Variants in TMEM132C observed in about 807,000 individuals in gnomAD.
The protein encoded by TMEM132C is transmembrane protein 132C, also known as protein phosphatase 1, regulatory subunit 152.
A neutral mutation model predicts 61.4 loss-of-function variants in TMEM132C; 29 were observed. The observed-to-expected ratio is 0.47, with a 90% CI of 0.35 to 0.64. The LOEUF (loss-of-function observed/expected upper bound fraction) is 0.64. Among genes scored for constraint, TMEM132C ranks in the 30% least tolerant of loss-of-function variants. The pLI, the probability that TMEM132C is intolerant of heterozygous loss-of-function variation, is 0.00. For synonymous variants in TMEM132C, 656 were observed against 633.1 expected (o/e 1.04, Z -0.54); for missense variants, 1,408 against 1,476.9 (o/e 0.95, Z 0.76).
intron 4 of TMEM132C, among the ~76,000 whole-genome samples, chr12:128,622,360 A>AAAAAAAAATATATAT (rs1277080166): frequency 2.0e-4 from 6 of 30,120 alleles, no homozygotes; most frequent in African/African-American, 3.3e-4. Flanking sequence ...AAAAAAAAAA[A>AAAAAAAAATATATAT]ATATATATAT....
chr12:128,340,942 C>CTT (rs1555218759), intron 1 of TMEM132C, among the ~76,000 whole-genome samples: 31 of 92,352 alleles, frequency 3.4e-4, no homozygotes, highest in East Asian at 2.6e-3. Flanking sequence ...CTCTCTCTCT[C>CTT]TCTTTCTTTC....
chr12:128,290,168 G>A (rs927394863), intron 1 of TMEM132C, among the ~76,000 whole-genome samples: 3 of 152,140 alleles, frequency 2.0e-5, no homozygotes, highest in Non-Finnish European at 4.4e-5. Flanking sequence ...CACTGTATGA[G>A]TCCATTCTCA....
At chr12:128,337,124 G>T (rs1303456254) in intron 1 of TMEM132C, among the ~76,000 whole-genome samples, 1 of 152,168 alleles carries the variant, frequency 6.6e-6, no homozygotes, top group Admixed American at 6.5e-5. Flanking sequence ...AGAACTGGAA[G>T]AGATGGTGTG....
intron 2 of TMEM132C, among the ~76,000 whole-genome samples, chr12:128,539,593 G>A (rs1873663681): frequency 6.6e-6 from 1 of 152,162 alleles, no homozygotes; most frequent in African/African-American, 2.4e-5. Context: ...ACTCCAGCCT[G>A]GGTGACAGAG....
At chr12:128,459,971 G>C (rs922985485) in intron 2 of TMEM132C, among the ~76,000 whole-genome samples, 1 of 151,652 alleles carries the variant, frequency 6.6e-6, no homozygotes, top group Non-Finnish European at 1.5e-5. Flanking sequence ...TATCCAGCAA[G>C]TGTTGAAATA....
At chr12:128,440,115 A>T (rs1869733276) in intron 2 of TMEM132C, among the ~76,000 whole-genome samples, 1 of 152,176 alleles carries the variant, frequency 6.6e-6, no homozygotes, top group South Asian at 2.1e-4. Context: ...ATTTGAAAGA[A>T]TTTGCTCAGT....
intron 3 of TMEM132C, among the ~76,000 whole-genome samples, chr12:128,549,440 A>G (rs1281298417): frequency 6.6e-6 from 1 of 152,084 alleles, no homozygotes; most frequent in Non-Finnish European, 1.5e-5. Context: ...CTTGGCTCGG[A>G]AAATATCCCC....
Position 128,706,406 on chromosome 12 carries a change from A to G in TMEM132C, c.*111A>G. 2.2e-6 allele frequency: 3 copies of G among 1,334,006 alleles called. No homozygotes were observed. The highest frequency in any genetic ancestry group is 2.9e-6 in the Non-Finnish European group (3 of 1,023,634). 82.6% of individuals were successfully genotyped at this position (1,334,006 alleles called of 1,614,324 possible). On this transcript the variant is annotated 3_prime_UTR_variant, in exon 9 of 9. Coordinates refer to ENST00000435159, the MANE Select transcript of TMEM132C (RefSeq NM_001136103.3). ...TTAAGAAGGGACGGTCCCAGGGTCC[A>G]TGCTAGACCAGTTGGAAAGTTTTGA...
intron 2 of TMEM132C, among the ~76,000 whole-genome samples, chr12:128,513,226 A>G (rs1033983749): frequency 6.6e-6 from 1 of 152,112 alleles, no homozygotes; most frequent in African/African-American, 2.4e-5. Context: ...CTTCGGGCAC[A>G]TCAAGCAGAA....
intron 2 of TMEM132C, among the ~76,000 whole-genome samples, chr12:128,509,073 T>C (rs1167934393): frequency 6.6e-6 from 1 of 152,082 alleles, no homozygotes; most frequent in Non-Finnish European, 1.5e-5. Flanking sequence ...CAGAAGGATG[T>C]TGGGCAAGGA....
intron 3 of TMEM132C, among the ~76,000 whole-genome samples, chr12:128,589,412 C>T (rs1233611359): frequency 6.6e-6 from 1 of 152,062 alleles, no homozygotes; most frequent in Non-Finnish European, 1.5e-5. Flanking sequence ...CGCCTGCCTC[C>T]CTCCCAACCC....
intron 4 of TMEM132C, among the ~76,000 whole-genome samples, chr12:128,639,923 A>G (rs1286300470): frequency 6.6e-6 from 1 of 152,236 alleles, no homozygotes; most frequent in Non-Finnish European, 1.5e-5. Context: ...GTTCTTTGTC[A>G]GAATCTTAAG....
Position 128,694,007 on chromosome 12 carries a change from G to A in TMEM132C, c.1628G>A (p.Trp543Ter). ...SDTELSQIKG[W>*]RVPIVTNKRP... ...ACGGAGCTCAGCCAGATAAAGGGCT[G>A]GAGGGTCCCCATTGTGACCAATAAG... Residue 543 changes from tryptophan (W) to a stop codon, truncating the protein, a stop_gained, in exon 6 of 9, where the codon TGG (tryptophan) becomes TAG (stop). Coordinates refer to ENST00000435159, the MANE Select transcript of TMEM132C (RefSeq NM_001136103.3). LOFTEE classifies it high-confidence loss of function. The A allele has an allele frequency of 6.4e-7, 1 of 1,551,738 alleles. No homozygotes were observed. Among genetic ancestry groups the A allele is most frequent in the Non-Finnish European group, 8.7e-7 (1 of 1,147,012 alleles).
intron 1 of TMEM132C, among the ~76,000 whole-genome samples, chr12:128,271,849 A>C (rs1870532890): frequency 6.6e-6 from 1 of 152,264 alleles, no homozygotes. Context: ...GCAGAGGTTA[A>C]AACAAAGCCT....
At chr12:128,595,932 G>T (rs1205781458) in intron 3 of TMEM132C, among the ~76,000 whole-genome samples, 2 of 152,168 alleles carry the variant, frequency 1.3e-5, no homozygotes, top group African/African-American at 4.8e-5. Context: ...GGAAAAAACT[G>T]CCATGCCCAC....
At chr12:128,621,631 C>T (rs1006886589) in intron 4 of TMEM132C, among the ~76,000 whole-genome samples, 1 of 152,214 alleles carries the variant, frequency 6.6e-6, no homozygotes, top group Non-Finnish European at 1.5e-5. Context: ...TTTCATCCTC[C>T]ATCCGTGGTA....
Position 128,308,997 on chromosome 12 carries a change from T to A in TMEM132C, c.85+41510T>A, listed in dbSNP as rs1225220560. On this transcript the variant is annotated intron_variant, in intron 1 of 8. Transcript: ENST00000435159. Reference sequence around the variant, plus strand: ...CATTGCTCTGCTGGGATGAGGGGAGTTTTTGGGGATATTTGGGGTGTCTGT... The same window carrying A: ...CATTGCTCTGCTGGGATGAGGGGAGATTTTGGGGATATTTGGGGTGTCTGT... Among the ~76,000 whole-genome samples the A allele has an allele frequency of 3.3e-5, 5 of 151,058 alleles. No individual in the cohort carries two copies. In the South Asian group the frequency reaches 1.1e-3, roughly 32 times the overall value.
chr12:128,436,383 T>A (rs1869590747), intron 2 of TMEM132C, among the ~76,000 whole-genome samples: 1 of 152,068 alleles, frequency 6.6e-6, no homozygotes, highest in South Asian at 2.1e-4. Context: ...TGGGAGAAAA[T>A]TTTTGCAATC....
rs12370209 is a variant in TMEM132C, at chr12:128,616,366, C to T, written c.1305+31C>T. On this transcript the variant is annotated intron_variant, in intron 4 of 8. Transcript: ENST00000435159. Reference sequence around the variant, plus strand: ...TCCTGAGTTACCTTGGATGCTCCTGCATTCAGCCACCTGACTGCATCCTGT... The same window carrying T: ...TCCTGAGTTACCTTGGATGCTCCTGTATTCAGCCACCTGACTGCATCCTGT... The T allele has an allele frequency of 1.8e-4, 273 of 1,530,354 alleles. 1 individual carries two copies. The highest frequency in any genetic ancestry group is 2.3e-4 in the Non-Finnish European group (257 of 1,133,716). The allele number at this position is 1,530,354 out of a possible 1,614,324, so 94.8% of individuals were successfully genotyped here. A position where few individuals can be genotyped will look rare whatever the true frequency, so the allele number is the denominator to read the frequency against.
Sources: allele counts gnomAD v4.1 joint callset (sites outside exome capture counted in the v4.1 genomes callset), GRCh38; gene constraint gnomAD v4.1.1; transcripts MANE v1.5; gene names NCBI Gene and HGNC (gene_info 2026-07-23, HGNC 2026-07-21).